The following CNOT1 variants were observed in gnomAD, a reference collection of about 807,000 sequenced individuals.
CNOT1 encodes the protein CCR4-associated factor 1.
In CNOT1, 15 loss-of-function variants were observed where a neutral mutation model predicts 273.8. That is an observed-to-expected ratio of 0.05 (90% confidence interval 0.04 to 0.08). The LOEUF (loss-of-function observed/expected upper bound fraction) is 0.08, where lower values mean the gene tolerates loss of function less well. CNOT1 is among the 10% of genes least tolerant of loss of function. The pLI is 1.00. For missense variants in CNOT1, 1,644 were observed against 2,912.2 expected (o/e 0.56, Z 10.02); for synonymous variants, 1,022 against 1,005.5 (o/e 1.02, Z -0.31).
intron 2 of CNOT1, among the ~76,000 whole-genome samples, chr16:58,589,883 T>C (rs1023011730): frequency 6.6e-6 from 1 of 152,136 alleles, no homozygotes; most frequent in Non-Finnish European, 1.5e-5. Context: ...ACATGGTTTG[T>C]TCTTTCACTT....
In CNOT1 at chr16:58,614,091, CA is replaced by C. The variant is rs377347672; in HGVS notation, c.-174-14581del. The stretch of plus-strand genomic sequence containing the variant: ...TGGGCGACAGGGCGAGACACTGTCT[CA>C]AAAAAAAAAAAAAAGAAAAGAAAAT... On this transcript the variant is annotated intron_variant, in intron 1 of 48. Transcript: ENST00000317147. Among the ~76,000 whole-genome samples the C allele has an allele frequency of 9.8e-4, 51 of 51,976 alleles. 2 individuals are homozygous for C. Among genetic ancestry groups the C allele is most frequent in the South Asian group, 3.1e-3 (5 of 1,596 alleles). 34.1% of individuals were successfully genotyped at this position (51,976 alleles called of 152,430 possible).
chr16:58,600,380 T>C (rs1219873996), intron 1 of CNOT1, among the ~76,000 whole-genome samples: 1 of 152,126 alleles, frequency 6.6e-6, no homozygotes, highest in Non-Finnish European at 1.5e-5. Flanking sequence ...TAAGACAACT[T>C]GTAACACTTA....
At chr16:58,603,426 T>TAA (rs1251757626) in intron 1 of CNOT1, among the ~76,000 whole-genome samples, 15 of 147,250 alleles carry the variant, frequency 1.0e-4, no homozygotes, top group African/African-American at 3.6e-4. Context: ...TGTGTGTGTG[T>TAA]GTGTGTGTGT....
chr16:58,528,458 A>G lies in CNOT1; in HGVS notation c.6453+17T>C. ...ATATTAAGACATAAGTTTTCCTTTA[A>G]CTAGTTGGAACCTTACCTTTAGATT... is the stretch of plus-strand genomic sequence containing the variant. On this transcript the variant is annotated intron_variant, in intron 44 of 48. Transcript: ENST00000317147. 6.3e-7 allele frequency: 1 copy of G among 1,591,166 alleles called. No individual in the cohort carries two copies. Among genetic ancestry groups the G allele is most frequent in the Non-Finnish European group, 8.6e-7 (1 of 1,162,190 alleles).
chr16:58,571,919 A>C (rs2041287876), intron 16 of CNOT1, among the ~76,000 whole-genome samples: 1 of 152,052 alleles, frequency 6.6e-6, no homozygotes, highest in Non-Finnish European at 1.5e-5. Flanking sequence ...CTGTGAACCA[A>C]GATCACACCA....
intron 2 of CNOT1, among the ~76,000 whole-genome samples, chr16:58,594,791 T>C (rs1450354627): frequency 7.5e-6 from 1 of 133,538 alleles, no homozygotes; most frequent in Non-Finnish European, 1.6e-5. Flanking sequence ...AACAGACCAA[T>C]ACTGTCTCAT....
At chr16:58,608,173 T>C (rs1465364979) in intron 1 of CNOT1, among the ~76,000 whole-genome samples, 1 of 151,334 alleles carries the variant, frequency 6.6e-6, no homozygotes, top group Non-Finnish European at 1.5e-5. Context: ...TAGACTCTTG[T>C]CTCAATTTAA....
intron 2 of CNOT1, among the ~76,000 whole-genome samples, chr16:58,596,489 C>T (rs1256478400): frequency 6.6e-6 from 1 of 152,088 alleles, no homozygotes; most frequent in Non-Finnish European, 1.5e-5. Context: ...CACTTTATCT[C>T]GTTCCAGCAA....
chr16:58,532,455 T>C (rs1417252589), intron 40 of CNOT1, 60 bp from the exon 41 acceptor site: 6 of 1,571,802 alleles, frequency 3.8e-6, no homozygotes, highest in Admixed American at 1.8e-5. Flanking sequence ...ACCACTTCGA[T>C]GTCATGCTTT....
Position 58,521,334 on chromosome 16 carries a change from A to G in CNOT1, c.6918-17T>C. The stretch of plus-strand genomic sequence containing the variant: ...AAGAGAACTCTGGAAAAAGGGAGAA[A>G]GAGCTAGTTAATGTATAGAAGCATA... On this transcript the variant is annotated splice_polypyrimidine_tract_variant and intron_variant, in intron 47 of 48. Coordinates refer to ENST00000317147, the MANE Select transcript of CNOT1 (RefSeq NM_016284.5). 3 of 1,593,128 alleles carry G rather than the reference A, an allele frequency of 1.9e-6. No homozygotes were observed. Among genetic ancestry groups the G allele is most frequent in the Non-Finnish European group, 2.6e-6 (3 of 1,174,126 alleles).
intron 16 of CNOT1, among the ~76,000 whole-genome samples, chr16:58,561,915 C>T (rs1202725433): frequency 2.6e-5 from 4 of 152,154 alleles, no homozygotes; most frequent in Non-Finnish European, 5.9e-5. Flanking sequence ...TGGCTCATGC[C>T]TATAATCCTA....
Position 58,558,523 on chromosome 16 carries a change from T to C in CNOT1, c.2282A>G (p.Asn761Ser), listed in dbSNP as rs754113666. ...AKAFPPLSTP[N>S]QTTAFSGIGG... ...AATACCACTGAATGCAGTGGTCTGA[T>C]TGGGGGTTGAAAGGGGTGGAAATGC... is the stretch of plus-strand genomic sequence containing the variant. The change falls in exon 18 of 49, where the codon AAT (asparagine) becomes AGT (serine). Residue 761 changes from asparagine (N) to serine (S), a missense_variant. Asn to Ser is a conservative substitution (Grantham distance 46). Transcript: ENST00000317147. The C allele has an allele frequency of 1.0e-4, 164 of 1,613,458 alleles. 1 individual carries two copies. Among genetic ancestry groups the C allele is most frequent in the South Asian group, 3.3e-4 (30 of 90,998 alleles).
At chr16:58,580,505 G>C in intron 12 of CNOT1, 128 bp downstream of exon 12, 1 of 1,363,258 alleles carries the variant, frequency 7.3e-7, no homozygotes, top group Non-Finnish European at 9.5e-7. Context: ...AAATACTTAA[G>C]ATAAGTAAGG....
At chr16:58,545,614 G>GC in intron 29 of CNOT1, 123 bp from the exon 30 acceptor site, 1 of 1,171,120 alleles carries the variant, frequency 8.5e-7, no homozygotes, top group Non-Finnish European at 1.2e-6. Flanking sequence ...GAGGAGGGAA[G>GC]GATGTAGCAG....
At chr16:58,559,859 T>C (rs779969622) in intron 17 of CNOT1, 37 of 543,260 alleles carry the variant, frequency 6.8e-5, no homozygotes, top group Middle Eastern at 3.1e-4. Flanking sequence ...TTATAACAAG[T>C]CGTTATGCTC....
chr16:58,552,906 A>G (rs1343561874), intron 22 of CNOT1, among the ~76,000 whole-genome samples: 1 of 152,236 alleles, frequency 6.6e-6, no homozygotes, highest in Non-Finnish European at 1.5e-5. Flanking sequence ...TTCAGTAATA[A>G]TAACAATCAT....
chr16:58,627,684 G>C (rs2043643105), intron 1 of CNOT1, among the ~76,000 whole-genome samples: 1 of 151,554 alleles, frequency 6.6e-6, no homozygotes, highest in South Asian at 2.1e-4. Context: ...ATGAACCCGG[G>C]GTGTTAAGCT....
intron 35 of CNOT1, 73 bp downstream of exon 35, chr16:58,539,695 T>C: frequency 7.2e-7 from 1 of 1,382,070 alleles, no homozygotes; most frequent in African/African-American, 1.4e-5. Context: ...TGCATAAATA[T>C]GTAGATGGTG....
At chr16:58,575,287 A>G (rs1359612770) in intron 14 of CNOT1, among the ~76,000 whole-genome samples, 158 bp from the exon 15 acceptor site, 2 of 152,228 alleles carry the variant, frequency 1.3e-5, no homozygotes, top group Non-Finnish European at 2.9e-5. Flanking sequence ...ATTCAGGGGT[A>G]ACATTAGTCA....
Sources: allele counts gnomAD v4.1 joint callset (sites outside exome capture counted in the v4.1 genomes callset), GRCh38; gene constraint gnomAD v4.1.1; transcripts MANE v1.5; gene names NCBI Gene and HGNC (gene_info 2026-07-23, HGNC 2026-07-21).